The following SLC38A10 variants were observed in gnomAD, a reference collection of about 807,000 sequenced individuals.
The protein encoded by SLC38A10 is Sodium-coupled neutral amino acid transporter 10.
Under a neutral mutation model 81.0 loss-of-function variants are expected in SLC38A10, and 53 were observed. The observed-to-expected ratio is 0.65, with a 90% CI of 0.53 to 0.82. The LOEUF (loss-of-function observed/expected upper bound fraction) is 0.82, where lower values mean the gene tolerates loss of function less well. Ranked by LOEUF, SLC38A10 falls within the 40% of genes least tolerant of loss-of-function variation. The pLI is 0.00. For synonymous variants in SLC38A10, 665 were observed against 655.3 expected (o/e 1.01, Z -0.23); for missense variants, 1,471 against 1,545.0 (o/e 0.95, Z 0.80).
chr17:81,259,320 C>T (rs1413304074), intron 11 of SLC38A10, among the ~76,000 whole-genome samples: 3 of 152,328 alleles, frequency 2.0e-5, no homozygotes, highest in Non-Finnish European at 4.4e-5. Context: ...TGACGCCCAG[C>T]GAATCTGACT....
At position 81,283,114 on chromosome 17, in the gene SLC38A10, T is replaced by A. The variant is rs2063230138; in HGVS notation, c.357+295A>T. Reference sequence around the variant, plus strand: ...GGGCCTGGCCGCCTCTGCCCTCCAATGGGCAGCCCGGGCTGGCAGAGACTT... The same window carrying A: ...GGGCCTGGCCGCCTCTGCCCTCCAAAGGGCAGCCCGGGCTGGCAGAGACTT... On this transcript the variant is annotated intron_variant, in intron 4 of 15. Transcript: ENST00000374759. The surrounding 1 kb of genome is among the most constrained non-coding windows in gnomAD (Gnocchi z 4.7). Among the ~76,000 whole-genome samples, 1 of 152,074 alleles carries A rather than the reference T, an allele frequency of 6.6e-6. No individual in the cohort carries two copies. Among genetic ancestry groups the A allele is most frequent in the African/African-American group, 2.4e-5 (1 of 41,416 alleles).
In SLC38A10 at chr17:81,281,909, T is replaced by C. The variant is rs2063215223; in HGVS notation, c.501+280A>G. On this transcript the variant is annotated intron_variant, in intron 5 of 15. Transcript: ENST00000374759. The surrounding 1 kb of genome is among the most constrained non-coding windows in gnomAD (Gnocchi z 5.3). ...AGTGGACTTGGAGTTTCCTTCACCTTGCCTGGACGACATGAAACCAGCCTC... is the reference window on the plus strand; with the variant it reads ...AGTGGACTTGGAGTTTCCTTCACCTCGCCTGGACGACATGAAACCAGCCTC... 6.6e-6 allele frequency among the ~76,000 whole-genome samples: 1 copy of C among 152,172 alleles called. No homozygotes were observed. Among genetic ancestry groups the C allele is most frequent in the Non-Finnish European group, 1.5e-5 (1 of 68,022 alleles).
At chr17:81,268,359 A>C (rs1462089068) in intron 10 of SLC38A10, among the ~76,000 whole-genome samples, 3 of 152,096 alleles carry the variant, frequency 2.0e-5, no homozygotes, top group Non-Finnish European at 4.4e-5. Context: ...AAAAACAAGA[A>C]GCCACAAAGA....
Position 81,253,646 on chromosome 17 carries a change from TCAA to T in SLC38A10, c.1289-409_1289-407del, listed in dbSNP as rs1339307228. On this transcript the variant is annotated intron_variant, in intron 11 of 15. Coordinates refer to ENST00000374759, the MANE Select transcript of SLC38A10 (RefSeq NM_001037984.3). This position sits in a 1 kb window ranked among gnomAD's most constrained non-coding sequence, Gnocchi z 4.1. ...ACCATCATCTCCATCCCTACCACCA[TCAA>T]CATCACCATCATCACCATCATCTCC... 2.0e-5 allele frequency among the ~76,000 whole-genome samples: 3 copies of T among 147,970 alleles called. No individual in the cohort carries two copies. The highest frequency in any genetic ancestry group is 4.5e-5 in the Non-Finnish European group (3 of 66,826).
In SLC38A10 at chr17:81,265,083, A is replaced by G. The variant is rs1353846042; in HGVS notation, c.1132-4689T>C. The stretch of plus-strand genomic sequence containing the variant: ...AGACCCTCAACTTTCTGACTTTCAA[A>G]ATAAAGAACCAAACAGGGCGGGCGT... On this transcript the variant is annotated intron_variant, in intron 10 of 15. Coordinates refer to ENST00000374759, the MANE Select transcript of SLC38A10 (RefSeq NM_001037984.3). The surrounding 1 kb of genome is among the most constrained non-coding windows in gnomAD (Gnocchi z 4.2). The G allele has an allele frequency of 6.6e-6, 1 of 152,262 alleles. No homozygotes were observed. Among genetic ancestry groups the G allele is most frequent in the African/African-American group, 2.4e-5 (1 of 41,430 alleles). 9.4% of individuals were successfully genotyped at this position (152,262 alleles called of 1,614,324 possible). A position where few individuals can be genotyped will look rare whatever the true frequency, so the allele number is the denominator to read the frequency against.
intron 1 of SLC38A10, among the ~76,000 whole-genome samples, chr17:81,294,316 C>A (rs1454616095): frequency 6.6e-6 from 1 of 152,164 alleles, no homozygotes; most frequent in Non-Finnish European, 1.5e-5. Context: ...CAGGTGTGAG[C>A]CACCACCCCC....
intron 14 of SLC38A10, chr17:81,250,014 G>C (rs2062895676): frequency 7.8e-7 from 1 of 1,279,634 alleles, no homozygotes; most frequent in African/African-American, 1.5e-5. Context: ...GCTGCGCTCA[G>C]GTCTGTGGCC....
Position 81,253,306 on chromosome 17 carries a change from T to C in SLC38A10, c.1289-66A>G. ...GCTCCAGGAGCGGGGCAGCTCTCCCTGGACTGTTACCATATTTTCCAGCCA... is the reference window on the plus strand; with the variant it reads ...GCTCCAGGAGCGGGGCAGCTCTCCCCGGACTGTTACCATATTTTCCAGCCA... On this transcript the variant is annotated intron_variant, in intron 11 of 15. Transcript: ENST00000374759. This position sits in a 1 kb window ranked among gnomAD's most constrained non-coding sequence, Gnocchi z 4.1. The C allele has an allele frequency of 5.8e-6, 9 of 1,551,188 alleles. No individual in the cohort carries two copies. Among genetic ancestry groups the C allele is most frequent in the Non-Finnish European group, 7.0e-6 (8 of 1,143,890 alleles).
intron 8 of SLC38A10, among the ~76,000 whole-genome samples, chr17:81,273,094 G>C (rs1302295695): frequency 1.3e-5 from 2 of 152,190 alleles, no homozygotes; most frequent in Non-Finnish European, 1.5e-5. Flanking sequence ...GTTATCTCCA[G>C]CAGATGTGCA....
At position 81,245,753 on chromosome 17, in the gene SLC38A10, C is replaced by T. The variant is rs1470763405; in HGVS notation, c.3163G>A (p.Asp1055Asn). 1 of 1,595,566 alleles carries T rather than the reference C, an allele frequency of 6.3e-7. No homozygotes were observed. Among genetic ancestry groups the T allele is most frequent in the East Asian group, 2.3e-5 (1 of 44,368 alleles). ...TGACCCTCTGCATGAGGGCCAAGGT[C>T]CCGCCGTCGCCTCCGGAGGTCGGAG... ...AGSDLRRRRRDLGPHAEGQLA... is the reference protein window; with the variant it reads ...AGSDLRRRRRNLGPHAEGQLA... The change falls in exon 16 of 16, where the codon GAC (aspartate) becomes AAC (asparagine). Residue 1055 changes from aspartate (D) to asparagine (N), a missense_variant. Physicochemically the swap from Asp to Asn is conservative, Grantham distance 23. Transcript: ENST00000374759.
At chr17:81,260,436 C>T (rs934251217) in intron 10 of SLC38A10, 42 bp from the exon 11 acceptor site, 1 of 1,578,254 alleles carries the variant, frequency 6.3e-7, no homozygotes, top group Non-Finnish European at 8.6e-7. Context: ...CACAGCTGGC[C>T]CCCGCCCCTG....
chr17:81,282,294 C>T lies in SLC38A10; in HGVS notation c.396G>A (p.Val132=), dbSNP rs764382423. 11 of 1,613,318 alleles carry T rather than the reference C, an allele frequency of 6.8e-6. No individual in the cohort carries two copies. Among genetic ancestry groups the T allele is most frequent in the Non-Finnish European group, 9.3e-6 (11 of 1,179,974 alleles). ...TGAGCGGGAGCACGATGCACAGCGA[C>T]ACGGCGAACAGCAGGAACATGCGGA... ...GTFRMFLLFA[V]SLCIVLPLSL... The change falls in exon 5 of 16, where the codon GTG becomes GTA. Residue 132 remains valine, a synonymous_variant. Coordinates refer to ENST00000374759, the MANE Select transcript of SLC38A10 (RefSeq NM_001037984.3).
At position 81,245,405 on chromosome 17, in the gene SLC38A10, T is replaced by C. The variant is rs1383312180; in HGVS notation, c.*151A>G. On this transcript the variant is annotated 3_prime_UTR_variant, in exon 16 of 16. Coordinates refer to ENST00000374759, the MANE Select transcript of SLC38A10 (RefSeq NM_001037984.3). Reference sequence around the variant, plus strand: ...AAACGATGCCACAGTGAATCTTTTATACTGTCACTCACACTTGGTGAGGGC... The same window carrying C: ...AAACGATGCCACAGTGAATCTTTTACACTGTCACTCACACTTGGTGAGGGC... 7.4e-6 allele frequency: 7 copies of C among 947,030 alleles called. No homozygotes were observed. In the African/African-American group the frequency reaches 1.0e-4, roughly 13 times the overall value. 58.7% of individuals were successfully genotyped at this position (947,030 alleles called of 1,614,324 possible).
In SLC38A10 at chr17:81,276,885, G is replaced by A. The variant is rs899121647; in HGVS notation, c.729+146C>T. 2.6e-5 allele frequency: 19 copies of A among 741,778 alleles called. No homozygotes were observed. The highest frequency in any genetic ancestry group is 5.3e-5 in the African/African-American group (3 of 57,094). 45.9% of individuals were successfully genotyped at this position (741,778 alleles called of 1,614,324 possible). A position where few individuals can be genotyped will look rare whatever the true frequency, so the allele number is the denominator to read the frequency against. On this transcript the variant is annotated intron_variant, in intron 7 of 15. Transcript: ENST00000374759. This position sits in a 1 kb window ranked among gnomAD's most constrained non-coding sequence, Gnocchi z 4.7. ...TGATGGAGCTGCCCCAGGTCCCCGC[G>A]CAGCCTCCAGACACTGGGATGGGAA...
In SLC38A10 at chr17:81,252,684, C is replaced by T. The variant is rs762059531; in HGVS notation, c.1457-1G>A. ...GCCTCGCCCACAGGCACAGCAATCC[C>T]TGCAAGGGCACGGGGGACAGATGGG... On this transcript the variant is annotated splice_acceptor_variant, in intron 12 of 15. Coordinates refer to ENST00000374759, the MANE Select transcript of SLC38A10 (RefSeq NM_001037984.3). LOFTEE classifies it high-confidence loss of function. 1.3e-6 allele frequency: 2 copies of T among 1,596,432 alleles called. No individual in the cohort carries two copies. Among genetic ancestry groups the T allele is most frequent in the Non-Finnish European group, 8.5e-7 (1 of 1,175,824 alleles).
chr17:81,290,179 G>A (rs1445225881), intron 1 of SLC38A10, among the ~76,000 whole-genome samples: 2 of 152,176 alleles, frequency 1.3e-5, no homozygotes, highest in South Asian at 4.1e-4. Context: ...TTCTGGAAGA[G>A]ATTAAAAATG....
intron 10 of SLC38A10, chr17:81,263,309 C>G (rs1025035346): frequency 1.3e-5 from 2 of 152,298 alleles, no homozygotes; most frequent in South Asian, 2.1e-4. Context: ...GGAAGCAGAC[C>G]CAACCCCGCC....
chr17:81,249,035 G>A (rs1189513100), intron 14 of SLC38A10, among the ~76,000 whole-genome samples: 1 of 152,082 alleles, frequency 6.6e-6, no homozygotes, highest in Non-Finnish European at 1.5e-5. Context: ...GCTCAACCAC[G>A]GAATGTCAAT....
intron 6 of SLC38A10, among the ~76,000 whole-genome samples, chr17:81,279,103 A>G (rs949247268): frequency 6.6e-6 from 1 of 152,186 alleles, no homozygotes; most frequent in Non-Finnish European, 1.5e-5. Context: ...GGCCTACCAG[A>G]GTCAAATGGA....
Sources: gnomAD v4.1 joint callset for allele counts (sites outside exome capture counted in the v4.1 genomes callset) on GRCh38, gnomAD v4.1.1 for gene constraint, Gnocchi (gnomAD v3.1) non-coding constraint, MANE v1.5 for transcripts, NCBI Gene and HGNC (gene_info 2026-07-23, HGNC 2026-07-21) for gene names.